Variants in PLEKHA2 observed in about 807,000 individuals in gnomAD.
PLEKHA2 encodes pleckstrin homology domain containing A2, also known as pleckstrin homology domain-containing family A member 2.
In PLEKHA2, 28 loss-of-function variants were observed where a neutral mutation model predicts 53.2. The observed-to-expected ratio is 0.53, with a 90% CI of 0.39 to 0.72. The LOEUF (loss-of-function observed/expected upper bound fraction) is 0.72, where lower values mean the gene tolerates loss of function less well. PLEKHA2 is among the 30% of genes least tolerant of loss of function. The pLI is 0.00. For synonymous variants in PLEKHA2, 193 were observed against 196.4 expected (o/e 0.98, Z 0.14); for missense variants, 426 against 537.9 (o/e 0.79, Z 2.06).
chr8:38,940,656 G>C (rs117674543), intron 3 of PLEKHA2, among the ~76,000 whole-genome samples: 2,292 of 107,264 alleles, frequency 0.021, 37 homozygotes, highest in South Asian at 0.041. Flanking sequence ...GGGGCGGGGG[G>C]GGGGGGTCAG....
chr8:38,951,582 A>G (rs1834844770), intron 6 of PLEKHA2, among the ~76,000 whole-genome samples: 5 of 149,220 alleles, frequency 3.4e-5, no homozygotes, highest in Admixed American at 2.7e-4. Flanking sequence ...GGCTCATGCA[A>G]TCCTCCTGCC....
rs368529771 is a variant in PLEKHA2, at chr8:38,950,948, G to A, written c.444G>A (p.Thr148=). The change falls in exon 6 of 12, where the codon ACG becomes ACA. Residue 148 remains threonine (T), a synonymous_variant. Transcript: ENST00000617275. ...AGAAGCCACAGGTGGCCTACAAGACGGAGATCATTGGAGGGGTGGTGGTCC... is the reference window on the plus strand; with the variant it reads ...AGAAGCCACAGGTGGCCTACAAGACAGAGATCATTGGAGGGGTGGTGGTCC... The part of the protein sequence containing the change: ...LEKKPQVAYK[T]EIIGGVVVHT... 122 of 1,613,976 alleles carry A rather than the reference G, an allele frequency of 7.6e-5. No individual in the cohort carries two copies. The African/African-American group carries it at 1.1e-3, about 15-fold the overall frequency.
At position 38,973,252 on chromosome 8, in the gene PLEKHA2, T is replaced by C. The variant is rs1776745765; in HGVS notation, c.*3469T>C. 6.6e-6 allele frequency: 1 copy of C among 152,310 alleles called. No homozygotes were observed. The highest frequency in any genetic ancestry group is 3.4e-3 in the Middle Eastern group (1 of 294). 9.4% of individuals were successfully genotyped at this position (152,310 alleles called of 1,614,324 possible). ...TGGAGATTGATGTCAGGTCAGAATA[T>C]TGGAGTTATACATCTATTTCTGAGT... On this transcript the variant is annotated 3_prime_UTR_variant, in exon 12 of 12. Transcript: ENST00000617275.
intron 1 of PLEKHA2, among the ~76,000 whole-genome samples, chr8:38,912,579 A>G (rs1833969062): frequency 6.6e-6 from 1 of 152,190 alleles, no homozygotes; most frequent in African/African-American, 2.4e-5. Context: ...AGGAAGAGCC[A>G]GAGAAGATTT....
intron 2 of PLEKHA2, among the ~76,000 whole-genome samples, chr8:38,931,037 G>T (rs1029401154): frequency 1.2e-4 from 18 of 152,196 alleles, no homozygotes; most frequent in African/African-American, 3.6e-4. Context: ...CAGTACTTTG[G>T]GAGGCCAGGG....
chr8:38,940,331 G>A (rs957532001), intron 3 of PLEKHA2, among the ~76,000 whole-genome samples: 2 of 152,026 alleles, frequency 1.3e-5, no homozygotes, highest in Non-Finnish European at 2.9e-5. Flanking sequence ...CCTGGGGGGC[G>A]GAGGTTGTAG....
rs1285008562 is a variant in PLEKHA2 at position 38,968,603 on chromosome 8, A to G, written c.849A>G (p.Pro283=). 3.1e-6 allele frequency: 5 copies of G among 1,614,060 alleles called. No homozygotes were observed. The highest frequency in any genetic ancestry group is 4.2e-6 in the Non-Finnish European group (5 of 1,179,898). Residue 283 remains proline, a synonymous_variant, in exon 11 of 12, where the codon CCA becomes CCG. Transcript: ENST00000617275. ...TGGATGTTTTGCAGGCAGACAGTCCAGAAGACATGCACAGCTGGATTAAGG... is the reference window on the plus strand; with the variant it reads ...TGGATGTTTTGCAGGCAGACAGTCCGGAAGACATGCACAGCTGGATTAAGG... The part of the protein sequence containing the change: ...SRTFYVQADS[P]EDMHSWIKEI...
At chr8:38,934,381 C>A (rs1394531896) in intron 2 of PLEKHA2, among the ~76,000 whole-genome samples, 2 of 152,074 alleles carry the variant, frequency 1.3e-5, no homozygotes, top group East Asian at 3.8e-4. Flanking sequence ...ATCCGAGATT[C>A]ATCTCCTTTT....
chr8:38,941,747 T>A, intron 3 of PLEKHA2, among the ~76,000 whole-genome samples: 1 of 152,236 alleles, frequency 6.6e-6, no homozygotes, highest in East Asian at 1.9e-4. Flanking sequence ...TTACCTGCAC[T>A]ATCATATTTA....
chr8:38,949,791 C>T (rs539917179), intron 5 of PLEKHA2, among the ~76,000 whole-genome samples: 104 of 152,284 alleles, frequency 6.8e-4, no homozygotes, highest in African/African-American at 7.9e-4. Flanking sequence ...ATAACCACAA[C>T]GATGGTTATG....
intron 11 of PLEKHA2, 168 bp downstream of exon 11, chr8:38,968,837 T>A: frequency 1.6e-6 from 1 of 609,994 alleles, no homozygotes; most frequent in Non-Finnish European, 2.9e-6. Context: ...TACACATTTT[T>A]ATTTTTCTCT....
At chr8:38,925,179 A>G (rs184063175) in intron 2 of PLEKHA2, among the ~76,000 whole-genome samples, 91 of 152,336 alleles carry the variant, frequency 6.0e-4, no homozygotes, top group Non-Finnish European at 2.2e-4. Flanking sequence ...CTTGAACAGA[A>G]ACAAATGCTG....
At position 38,950,897 on chromosome 8, in the gene PLEKHA2, C is replaced by T; in HGVS notation, c.393C>T (p.Ser131=). 6.2e-7 allele frequency: 1 copy of T among 1,614,016 alleles called. No individual in the cohort carries two copies. Among genetic ancestry groups the T allele is most frequent in the East Asian group, 2.2e-5 (1 of 44,886 alleles). Reference sequence around the variant, plus strand: ...CCATGACCACTGAAGTTCTCAAGAGCTTAGCAGCTCCTCCAGCCCTGGAGA... The same window carrying T: ...CCATGACCACTGAAGTTCTCAAGAGTTTAGCAGCTCCTCCAGCCCTGGAGA... The part of the protein sequence containing the change: ...GLPMTTEVLK[S]LAAPPALEKK... The change falls in exon 6 of 12, where the codon AGC becomes AGT. Residue 131 remains serine, a synonymous_variant. Transcript: ENST00000617275.
At chr8:38,929,649 G>A (rs550350438) in intron 2 of PLEKHA2, among the ~76,000 whole-genome samples, 1 of 152,346 alleles carries the variant, frequency 6.6e-6, no homozygotes, top group African/African-American at 2.4e-5. Context: ...AAGGTGCCTA[G>A]CAGCATGTCT....
intron 2 of PLEKHA2, 81 bp downstream of exon 2, chr8:38,918,151 G>C: frequency 6.6e-7 from 1 of 1,508,696 alleles, no homozygotes; most frequent in Non-Finnish European, 8.9e-7. Flanking sequence ...TTAGCCTCCA[G>C]GCCTAGGCTC....
At chr8:38,932,483 G>C (rs915544672) in intron 2 of PLEKHA2, among the ~76,000 whole-genome samples, 15 of 152,254 alleles carry the variant, frequency 9.9e-5, no homozygotes, top group East Asian at 3.9e-4. Flanking sequence ...CAGGGAAGAG[G>C]GGGGACAGCT....
At chr8:38,912,315 A>G (rs1833966158) in intron 1 of PLEKHA2, among the ~76,000 whole-genome samples, 1 of 151,836 alleles carries the variant, frequency 6.6e-6, no homozygotes, top group South Asian at 2.1e-4. Context: ...AAAAAACAAA[A>G]CAAACAAACA....
intron 3 of PLEKHA2, among the ~76,000 whole-genome samples, chr8:38,937,747 C>T (rs1349558657): frequency 1.3e-5 from 2 of 152,192 alleles, no homozygotes; most frequent in African/African-American, 4.8e-5. Context: ...GACTCCCTGC[C>T]AGAAAGCAGG....
At chr8:38,918,790 A>G (rs1029608629) in intron 2 of PLEKHA2, among the ~76,000 whole-genome samples, 2 of 151,926 alleles carry the variant, frequency 1.3e-5, no homozygotes, top group Non-Finnish European at 2.9e-5. Context: ...CACACAGACT[A>G]CACACATACT....
Sources: allele counts gnomAD v4.1 joint callset (sites outside exome capture counted in the v4.1 genomes callset), GRCh38; gene constraint gnomAD v4.1.1; transcripts MANE v1.5; gene names NCBI Gene and HGNC (gene_info 2026-07-23, HGNC 2026-07-21).